NUDT5: variants seen among roughly 807,000 people sequenced by gnomAD.
NUDT5 encodes nudix hydrolase 5, also known as ADP-sugar pyrophosphatase.
In NUDT5, 21 loss-of-function variants were observed where a neutral mutation model predicts 34.1. The ratio of observed to expected loss-of-function variants is 0.62; its 90% CI spans 0.44 to 0.89. NUDT5 has a LOEUF of 0.89. NUDT5 is among the 40% of genes least tolerant of loss of function. The pLI is 0.00. For missense variants in NUDT5, 249 were observed against 274.8 expected, an observed-to-expected ratio of 0.91 and a Z score of 0.66; for synonymous variants, 85 against 97.6, an observed-to-expected ratio of 0.87 and a Z score of 0.76.
In NUDT5 at chr10:12,165,955, A is replaced by G. The variant is rs1834675461; in HGVS notation, c.*1747T>C. 1 of 152,210 alleles carries G rather than the reference A, an allele frequency of 6.6e-6. No homozygotes were observed. The highest frequency in any genetic ancestry group is 1.5e-5 in the Non-Finnish European group (1 of 68,042). 9.4% of individuals were successfully genotyped at this position (152,210 alleles called of 1,614,324 possible). On this transcript the variant is annotated 3_prime_UTR_variant, in exon 10 of 10. Transcript: ENST00000491614. ...AAGGTGGAAATATGGCTTTTAATAC[A>G]TAGGAAACCTTCAGTTTTTAAATGC...
intron 5 of NUDT5, among the ~76,000 whole-genome samples, chr10:12,177,249 A>G (rs544119846): frequency 7.9e-5 from 12 of 152,016 alleles, no homozygotes; most frequent in South Asian, 2.1e-4. Flanking sequence ...GCAGGGTGCA[A>G]GGGCTCACGC....
At chr10:12,167,917 T>C (rs1348977774) in intron 9 of NUDT5, 106 bp from the exon 10 acceptor site, 2 of 1,510,880 alleles carry the variant, frequency 1.3e-6, no homozygotes, top group South Asian at 1.3e-5. Context: ...TCACTTCCTA[T>C]GCTAGATGCT....
rs1391633560 is a variant in NUDT5 at position 12,169,230 on chromosome 10, T to TA, written c.551-1420dup. ...AGCCCTCTCTCCACCTCCCCTCACT[T>TA]ATTCTATTTTTTTCTCCCTTTTCTA... On this transcript the variant is annotated intron_variant, in intron 9 of 9. Coordinates refer to ENST00000491614, the MANE Select transcript of NUDT5 (RefSeq NM_014142.4). This position sits in a 1 kb window ranked among gnomAD's most constrained non-coding sequence, Gnocchi z 4.8. The TA allele has an allele frequency of 2.0e-6, 3 of 1,481,362 alleles. No homozygotes were observed. Among genetic ancestry groups the TA allele is most frequent in the East Asian group, 4.9e-5 (2 of 40,480 alleles). 91.8% of individuals were successfully genotyped at this position (1,481,362 alleles called of 1,614,324 possible).
intron 1 of NUDT5, among the ~76,000 whole-genome samples, 179 bp downstream of exon 1, chr10:12,195,591 C>G (rs758563065): frequency 6.6e-6 from 1 of 152,232 alleles, no homozygotes; most frequent in Non-Finnish European, 1.5e-5. Context: ...CTCTTCCTCT[C>G]CAATCCACAA....
chr10:12,170,399 C>T lies in NUDT5; in HGVS notation c.550+318G>A, dbSNP rs1254576985. On this transcript the variant is annotated intron_variant, in intron 9 of 9. Coordinates refer to ENST00000491614, the MANE Select transcript of NUDT5 (RefSeq NM_014142.4). The surrounding 1 kb of genome is among the most constrained non-coding windows in gnomAD (Gnocchi z 4.9). ...AACAGCTTATCTACCCACACCTTTG[C>T]ATTGCTATGGACTGAAGGTTTAAAG... 3.2e-6 allele frequency: 2 copies of T among 627,352 alleles called. No homozygotes were observed. The highest frequency in any genetic ancestry group is 5.6e-6 in the Non-Finnish European group (2 of 359,202). The allele number at this position is 627,352 out of a possible 1,614,324, so 38.9% of individuals were successfully genotyped here.
rs1433350825 is a variant in NUDT5 at position 12,166,619 on chromosome 10, C to T, written c.*1083G>A. On this transcript the variant is annotated 3_prime_UTR_variant, in exon 10 of 10. Transcript: ENST00000491614. The stretch of plus-strand genomic sequence containing the variant: ...CTGGAGAGCCCTTTCATATGGTTCT[C>T]AGGGCCTGGCTTACCCGCTGGAGCC... The T allele has an allele frequency of 4.9e-6, 2 of 410,488 alleles. No individual in the cohort carries two copies. The highest frequency in any genetic ancestry group is 1.0e-5 in the Non-Finnish European group (2 of 200,706). 25.4% of individuals were successfully genotyped at this position (410,488 alleles called of 1,614,324 possible).
intron 4 of NUDT5, among the ~76,000 whole-genome samples, chr10:12,178,447 G>A (rs1348790238): frequency 6.6e-6 from 1 of 152,176 alleles, no homozygotes; most frequent in Non-Finnish European, 1.5e-5. Flanking sequence ...CACCCAGGAG[G>A]GTCCCCTGGC....
rs1227688219 is a variant in NUDT5 at position 12,169,244 on chromosome 10, C to T, written c.551-1433G>A. 2.0e-6 allele frequency: 3 copies of T among 1,529,226 alleles called. No individual in the cohort carries two copies. Among genetic ancestry groups the T allele is most frequent in the Non-Finnish European group, 1.8e-6 (2 of 1,129,160 alleles). 94.7% of individuals were successfully genotyped at this position (1,529,226 alleles called of 1,614,324 possible). A position where few individuals can be genotyped will look rare whatever the true frequency, so the allele number is the denominator to read the frequency against. ...CTCCCCTCACTTATTCTATTTTTTT[C>T]TCCCTTTTCTAAGACCAAAAGTGAA... is the stretch of plus-strand genomic sequence containing the variant. On this transcript the variant is annotated intron_variant, in intron 9 of 9. Coordinates refer to ENST00000491614, the MANE Select transcript of NUDT5 (RefSeq NM_014142.4). The surrounding 1 kb of genome is among the most constrained non-coding windows in gnomAD (Gnocchi z 4.8).
At chr10:12,195,299 C>T (rs1360414030) in intron 1 of NUDT5, among the ~76,000 whole-genome samples, 3 of 152,172 alleles carry the variant, frequency 2.0e-5, no homozygotes, top group Admixed American at 2.0e-4. Flanking sequence ...TCTTATGATT[C>T]GATCATCGCA....
At chr10:12,195,515 A>G (rs1399102939) in intron 1 of NUDT5, among the ~76,000 whole-genome samples, 1 of 152,278 alleles carries the variant, frequency 6.6e-6, no homozygotes, top group South Asian at 2.1e-4. Context: ...AGATGCTGCA[A>G]TCTTTACACT....
chr10:12,180,128 A>G (rs1040130670), intron 3 of NUDT5, among the ~76,000 whole-genome samples: 13 of 152,250 alleles, frequency 8.5e-5, no homozygotes, highest in African/African-American at 3.1e-4. Context: ...GGCTGTCCTT[A>G]AAATTTGGAC....
rs1051873131 is a variant in NUDT5 at position 12,187,617 on chromosome 10, A to T, written c.-41-1285T>A. 6.6e-6 allele frequency among the ~76,000 whole-genome samples: 1 copy of T among 152,116 alleles called. No individual in the cohort carries two copies. The highest frequency in any genetic ancestry group is 1.9e-4 in the East Asian group (1 of 5,192). ...CTGTAAGGCATTGCTTAGTTGTCTTACTTCTGGTGCTGCTGTTGAGAAGTC... is the reference window on the plus strand; with the variant it reads ...CTGTAAGGCATTGCTTAGTTGTCTTTCTTCTGGTGCTGCTGTTGAGAAGTC... On this transcript the variant is annotated intron_variant, in intron 1 of 9. Coordinates refer to ENST00000491614, the MANE Select transcript of NUDT5 (RefSeq NM_014142.4). The surrounding 1 kb of genome is among the most constrained non-coding windows in gnomAD (Gnocchi z 5.4).
Position 12,195,806 on chromosome 10 carries a change from AT to A in NUDT5, c.-79del. The A allele has an allele frequency of 4.1e-5, 9 of 220,750 alleles. No individual in the cohort carries two copies. The highest frequency in any genetic ancestry group is 1.6e-4 in the Admixed American group (3 of 18,932). The allele number at this position is 220,750 out of a possible 1,614,324, so 13.7% of individuals were successfully genotyped here. On this transcript the variant is annotated 5_prime_UTR_variant, in exon 1 of 10. Coordinates refer to ENST00000491614, the MANE Select transcript of NUDT5 (RefSeq NM_014142.4). ...GGGGTGAAGAACGGAAGAGGACGAA[AT>A]AACTAGCTGGAGGCAGCAGTGTCAG...
chr10:12,194,813 G>A (rs984835516), intron 1 of NUDT5, among the ~76,000 whole-genome samples: 3 of 152,190 alleles, frequency 2.0e-5, no homozygotes, highest in Non-Finnish European at 4.4e-5. Flanking sequence ...AGACGCAGAT[G>A]CCTCGCGCAA....
intron 1 of NUDT5, among the ~76,000 whole-genome samples, chr10:12,193,709 T>C (rs1388757301): frequency 6.6e-6 from 1 of 152,164 alleles, no homozygotes; most frequent in Non-Finnish European, 1.5e-5. Context: ...TACCAAAAAG[T>C]CATTGAACAC....
intron 6 of NUDT5, 127 bp from the exon 7 acceptor site, chr10:12,172,993 C>A (rs1326547714): frequency 1.5e-6 from 1 of 667,120 alleles, no homozygotes; most frequent in Non-Finnish European, 2.6e-6. Flanking sequence ...CTAGTTCTCA[C>A]ATTTGGTAGG....
chr10:12,165,519 C>A lies in NUDT5; in HGVS notation c.*2183G>T. On this transcript the variant is annotated 3_prime_UTR_variant, in exon 10 of 10. Transcript: ENST00000491614. ...TCAAACTTTAATCCTAAATTATTGA[C>A]AGATAGATAGATAGTGACCAACTTA... 4.1e-6 allele frequency: 1 copy of A among 246,308 alleles called. No homozygotes were observed. The highest frequency in any genetic ancestry group is 6.5e-6 in the Non-Finnish European group (1 of 154,218). 15.3% of individuals were successfully genotyped at this position (246,308 alleles called of 1,614,324 possible).
At chr10:12,184,452 T>C in intron 3 of NUDT5, 3 of 1,530,156 alleles carry the variant, frequency 2.0e-6, no homozygotes, top group Non-Finnish European at 2.7e-6. Context: ...GTGTACAAAA[T>C]GTTTTTTTCC....
In NUDT5 at chr10:12,182,119, ACT is replaced by A. The variant is rs1458473823; in HGVS notation, c.131+2768_131+2769del. Among the ~76,000 whole-genome samples, 1 of 148,666 alleles carries A rather than the reference ACT, an allele frequency of 6.7e-6. No individual in the cohort carries two copies. The highest frequency in any genetic ancestry group is 1.5e-5 in the Non-Finnish European group (1 of 67,394). On this transcript the variant is annotated intron_variant, in intron 3 of 9. Coordinates refer to ENST00000491614, the MANE Select transcript of NUDT5 (RefSeq NM_014142.4). This position sits in a 1 kb window ranked among gnomAD's most constrained non-coding sequence, Gnocchi z 4.3. ...ACTCTAGCCTGGGCAACAGAACAAG[ACT>A]CTGTCTCAGGGTAAAAAAAAAAAAA...
Sources: gnomAD v4.1 joint callset for allele counts (sites outside exome capture counted in the v4.1 genomes callset) on GRCh38, gnomAD v4.1.1 for gene constraint, Gnocchi (gnomAD v3.1) non-coding constraint, MANE v1.5 for transcripts, NCBI Gene and HGNC (gene_info 2026-07-23, HGNC 2026-07-21) for gene names.